STX17: variants seen among roughly 807,000 people sequenced by gnomAD.
STX17 encodes the protein syntaxin 17, also known as syntaxin-17.
STX17 carries 29 observed loss-of-function variants against 35.9 expected under a neutral mutation model. That is an observed-to-expected ratio of 0.81 (90% CI 0.60 to 1.10). The LOEUF (loss-of-function observed/expected upper bound fraction) is 1.10. STX17 is among the 50% of genes least tolerant of loss of function. The probability of loss-of-function intolerance (pLI) is 0.00; values close to 1 mark genes in which losing one functional copy is unlikely to be tolerated. For missense variants in STX17, 312 were observed against 352.3 expected (o/e 0.89, Z 0.92); for synonymous variants, 92 against 118.3 (o/e 0.78, Z 1.44).
intron 3 of STX17, among the ~76,000 whole-genome samples, chr9:99,944,008 T>C (rs959695815): frequency 2.6e-5 from 4 of 152,106 alleles, no homozygotes; most frequent in African/African-American, 9.6e-5. Flanking sequence ...TCTTTAATAA[T>C]TATATGACTA....
chr9:99,964,428 G>C (rs1829879121), intron 6 of STX17, among the ~76,000 whole-genome samples: 2 of 152,090 alleles, frequency 1.3e-5, no homozygotes, highest in Non-Finnish European at 2.9e-5. Flanking sequence ...TCTGTAAAAG[G>C]AGGTCAGTAT....
chr9:99,960,191 G>T (rs1164342517), intron 6 of STX17, 36 bp downstream of exon 6: 2 of 1,592,334 alleles, frequency 1.3e-6, no homozygotes, highest in South Asian at 1.1e-5. Flanking sequence ...AGAATTGTTG[G>T]ATTATTAGAA....
chr9:99,923,796 T>C (rs1305512754), intron 2 of STX17, among the ~76,000 whole-genome samples: 1 of 152,168 alleles, frequency 6.6e-6, no homozygotes, highest in Non-Finnish European at 1.5e-5. Flanking sequence ...TTTGCTGGGA[T>C]GGCTCACAGA....
chr9:99,959,747 C>G (rs1829790218), intron 4 of STX17, among the ~76,000 whole-genome samples, 170 bp from the exon 5 acceptor site: 1 of 152,164 alleles, frequency 6.6e-6, no homozygotes, highest in African/African-American at 2.4e-5. Context: ...AGGTGTGAGC[C>G]ACTGCACCCA....
chr9:99,911,425 T>C (rs149089163), intron 1 of STX17, among the ~76,000 whole-genome samples: 1 of 152,316 alleles, frequency 6.6e-6, no homozygotes, highest in African/African-American at 2.4e-5. Context: ...CTTAGGTTGA[T>C]TCCATATCTT....
intron 3 of STX17, 99 bp from the exon 4 acceptor site, chr9:99,950,961 T>G: frequency 9.3e-7 from 1 of 1,080,942 alleles, no homozygotes; most frequent in Non-Finnish European, 1.3e-6. Context: ...TGGAGATATT[T>G]GTTATAATTT....
intron 6 of STX17, 156 bp from the exon 7 acceptor site, chr9:99,967,497 C>G: frequency 7.2e-5 from 21 of 293,470 alleles, no homozygotes; most frequent in Non-Finnish European, 7.7e-5. Context: ...GTTAATTTGT[C>G]CTTTCGACAT....
chr9:99,953,091 C>A (rs971619189), intron 4 of STX17, among the ~76,000 whole-genome samples: 4 of 151,364 alleles, frequency 2.6e-5, no homozygotes, highest in Non-Finnish European at 5.9e-5. Flanking sequence ...CCCATTTTTT[C>A]TTTTTTTATT....
chr9:99,959,108 A>G (rs981331997), intron 4 of STX17, among the ~76,000 whole-genome samples: 1 of 152,312 alleles, frequency 6.6e-6, no homozygotes, highest in Admixed American at 6.5e-5. Flanking sequence ...TATTAAACCT[A>G]TTTATATAGG....
intron 4 of STX17, among the ~76,000 whole-genome samples, chr9:99,959,655 C>A (rs539873976): frequency 6.6e-6 from 1 of 152,004 alleles, no homozygotes; most frequent in East Asian, 1.9e-4. Context: ...GAGACGAGGT[C>A]TCACTCTGTT....
intron 4 of STX17, among the ~76,000 whole-genome samples, chr9:99,951,617 C>T (rs1829599780): frequency 6.6e-6 from 1 of 151,780 alleles, no homozygotes; most frequent in South Asian, 2.1e-4. Context: ...CAGGGGTGAC[C>T]TCTTCAGGCA....
intron 1 of STX17, among the ~76,000 whole-genome samples, chr9:99,909,423 GAAC>G (rs2118282502): frequency 6.6e-6 from 1 of 152,258 alleles, no homozygotes; most frequent in South Asian, 2.1e-4. Flanking sequence ...AGCATCTATT[GAAC>G]AACAGGTGTG....
At chr9:99,956,399 G>A (rs1052848900) in intron 4 of STX17, among the ~76,000 whole-genome samples, 4 of 151,912 alleles carry the variant, frequency 2.6e-5, no homozygotes, top group African/African-American at 9.7e-5. Flanking sequence ...GAGTGGTCAT[G>A]GTTATAAAGT....
At chr9:99,950,875 G>A (rs1829577521) in intron 3 of STX17, among the ~76,000 whole-genome samples, 185 bp from the exon 4 acceptor site, 1 of 151,968 alleles carries the variant, frequency 6.6e-6, no homozygotes, top group Non-Finnish European at 1.5e-5. Flanking sequence ...GTATGAGCAT[G>A]TGGGTTCCAA....
intron 1 of STX17, among the ~76,000 whole-genome samples, chr9:99,912,290 C>G (rs1828682562): frequency 6.6e-6 from 1 of 150,792 alleles, no homozygotes; most frequent in South Asian, 2.1e-4. Context: ...TATTTTTTAT[C>G]CGTTTGGTGA....
chr9:99,917,030 A>G (rs1446805508), intron 2 of STX17, among the ~76,000 whole-genome samples: 1 of 152,218 alleles, frequency 6.6e-6, no homozygotes, highest in Non-Finnish European at 1.5e-5. Flanking sequence ...TAGTTGTGCC[A>G]GAAGTCACAA....
intron 1 of STX17, among the ~76,000 whole-genome samples, chr9:99,911,293 A>G (rs1587907536): frequency 6.6e-6 from 1 of 152,202 alleles, no homozygotes; most frequent in South Asian, 2.1e-4. Flanking sequence ...TCCACCTCCC[A>G]AAGTGCTGGG....
intron 4 of STX17, among the ~76,000 whole-genome samples, chr9:99,952,536 A>T (rs977603526): frequency 1.7e-4 from 26 of 152,158 alleles, no homozygotes; most frequent in African/African-American, 5.8e-4. Flanking sequence ...CTGGGTATAT[A>T]CCCAAAGGAC....
intron 3 of STX17, among the ~76,000 whole-genome samples, chr9:99,938,411 C>G (rs1287710870): frequency 6.6e-6 from 1 of 152,112 alleles, no homozygotes; most frequent in Non-Finnish European, 1.5e-5. Flanking sequence ...ATTTTGTGAT[C>G]AAAATTTGAA....
Sources: gnomAD v4.1 joint callset for allele counts (sites outside exome capture counted in the v4.1 genomes callset) on GRCh38, gnomAD v4.1.1 for gene constraint, MANE v1.5 for transcripts, NCBI Gene and HGNC (gene_info 2026-07-23, HGNC 2026-07-21) for gene names.